The following USP25 variants were observed in gnomAD, a reference collection of about 807,000 sequenced individuals.
USP25 encodes the protein ubiquitin specific peptidase 25, also known as ubiquitin carboxyl-terminal hydrolase 25.
USP25 carries 85 observed loss-of-function variants against 158.5 expected under a neutral mutation model. The observed-to-expected ratio is 0.54, with a 90% confidence interval of 0.45 to 0.64. The LOEUF is 0.64. USP25 is among the 30% of genes least tolerant of loss of function. The probability of loss-of-function intolerance (pLI) is 0.00; values close to 1 mark genes in which losing one functional copy is unlikely to be tolerated. For synonymous variants in USP25, 464 were observed against 460.4 expected, an observed-to-expected ratio of 1.01 and a Z score of -0.10; for missense variants, 1,242 against 1,327.3, an observed-to-expected ratio of 0.94 and a Z score of 1.00.
chr21:15,742,894 G>A (rs1355934294), intron 1 of USP25, among the ~76,000 whole-genome samples: 1 of 152,200 alleles, frequency 6.6e-6, no homozygotes, highest in Non-Finnish European at 1.5e-5. Flanking sequence ...CCCATGGCGG[G>A]ACTGGGTATA....
In USP25 at chr21:15,830,560, C is replaced by T. The variant is rs1330745847; in HGVS notation, c.1723C>T (p.Arg575Ter). Residue 575 changes from arginine to a stop codon, truncating the protein, a stop_gained, in exon 15 of 26, where the codon CGA becomes TGA. Coordinates refer to ENST00000400183, the MANE Select transcript of USP25 (RefSeq NM_001283041.3). LOFTEE classifies it high-confidence loss of function. Reference sequence around the variant, plus strand: ...GCAGGAAAGCATATCCAGAATCCATCGAACAATTGAATTAATGTACTCTGA... The same window carrying T: ...GCAGGAAAGCATATCCAGAATCCATTGAACAATTGAATTAATGTACTCTGA... ...DLQESISRIH[R>*]TIELMYSDKS... 8 of 1,604,338 alleles carry T rather than the reference C, an allele frequency of 5.0e-6. No homozygotes were observed. Among genetic ancestry groups the T allele is most frequent in the South Asian group, 1.1e-5 (1 of 88,744 alleles).
chr21:15,800,330 G>A (rs1482244274), intron 6 of USP25, among the ~76,000 whole-genome samples: 2 of 151,238 alleles, frequency 1.3e-5, no homozygotes, highest in African/African-American at 4.8e-5. Context: ...GGGCCAGATT[G>A]CGTGGGTTCT....
At chr21:15,751,204 TG>T (rs1428719214) in intron 1 of USP25, among the ~76,000 whole-genome samples, 1 of 152,190 alleles carries the variant, frequency 6.6e-6, no homozygotes, top group Non-Finnish European at 1.5e-5. Context: ...GCCCACTGGA[TG>T]GCAGAGCAGT....
At chr21:15,857,741 A>T (rs1023590476) in intron 20 of USP25, among the ~76,000 whole-genome samples, 6 of 151,910 alleles carry the variant, frequency 3.9e-5, no homozygotes, top group African/African-American at 1.5e-4. Context: ...AAATACAGCA[A>T]CTCTTTTTAT....
chr21:15,851,877 T>G (rs1360693724), intron 20 of USP25, among the ~76,000 whole-genome samples: 1 of 152,122 alleles, frequency 6.6e-6, no homozygotes, highest in Non-Finnish European at 1.5e-5. Context: ...ACCATCATTC[T>G]GGGGATTCCC....
Position 15,759,609 on chromosome 21 carries a change from TTAAGA to T in USP25, c.46-3277_46-3273del, listed in dbSNP as rs2033607148. Among the ~76,000 whole-genome samples, 7 of 152,272 alleles carry T rather than the reference TTAAGA, an allele frequency of 4.6e-5. No homozygotes were observed. In the South Asian group the frequency reaches 1.5e-3, roughly 32 times the overall value. ...TTATCAATAGAAAGGAATGTCTGGG[TTAAGA>T]TAAGGAGTTGTGGAGACCTAGGTTT... On this transcript the variant is annotated intron_variant, in intron 1 of 25. Coordinates refer to ENST00000400183, the MANE Select transcript of USP25 (RefSeq NM_001283041.3).
At chr21:15,742,343 C>T (rs2032142798) in intron 1 of USP25, among the ~76,000 whole-genome samples, 1 of 152,070 alleles carries the variant, frequency 6.6e-6, no homozygotes, top group African/African-American at 2.4e-5. Flanking sequence ...AGAGAGGAGC[C>T]AGGAATGATG....
intron 23 of USP25, among the ~76,000 whole-genome samples, chr21:15,871,041 G>T (rs369708468): frequency 3.3e-5 from 5 of 152,282 alleles, no homozygotes; most frequent in African/African-American, 1.2e-4. Context: ...TTTTTAGCCA[G>T]CACAGAACAT....
At chr21:15,829,583 T>C (rs997659187) in intron 14 of USP25, among the ~76,000 whole-genome samples, 21 of 152,198 alleles carry the variant, frequency 1.4e-4, no homozygotes, top group Non-Finnish European at 2.9e-4. Flanking sequence ...TGGATATTTA[T>C]ATTGTTCTGT....
intron 24 of USP25, chr21:15,876,226 A>G (rs922501407): frequency 7.2e-5 from 11 of 152,324 alleles, no homozygotes; most frequent in African/African-American, 2.2e-4. Context: ...TAAATTTTAT[A>G]TATCATTTAA....
intron 6 of USP25, among the ~76,000 whole-genome samples, chr21:15,804,036 A>G (rs192131994): frequency 8.5e-5 from 13 of 152,166 alleles, no homozygotes; most frequent in Admixed American, 8.5e-4. Flanking sequence ...AATTGTTATT[A>G]TAAGAACTAA....
At position 15,808,212 on chromosome 21, in the gene USP25, G is replaced by C. The variant is rs2036486200; in HGVS notation, c.781-597G>C. The stretch of plus-strand genomic sequence containing the variant: ...TCACGTTATTGAAAGAATTATGGTA[G>C]TTGATAACACAACTGCCACAACCTA... On this transcript the variant is annotated intron_variant, in intron 7 of 25. Coordinates refer to ENST00000400183, the MANE Select transcript of USP25 (RefSeq NM_001283041.3). Among the ~76,000 whole-genome samples the C allele has an allele frequency of 2.6e-5, 4 of 152,260 alleles. No homozygotes were observed. In the South Asian group the frequency reaches 8.3e-4, roughly 32 times the overall value.
At chr21:15,814,890 AGCCAAATGTTAATCCCCAAGACAATAG>A (rs1387888359) in intron 9 of USP25, among the ~76,000 whole-genome samples, 1 of 152,166 alleles carries the variant, frequency 6.6e-6, no homozygotes, top group Non-Finnish European at 1.5e-5. Flanking sequence ...AGTAACAAGG[AGCCAAATGTTAATCCCCAAGACAATAG>A]GGAAAATGTC....
At chr21:15,791,452 G>T in intron 4 of USP25, 50 bp from the exon 5 acceptor site, 1 of 1,495,466 alleles carries the variant, frequency 6.7e-7, no homozygotes, top group Non-Finnish European at 8.9e-7. Flanking sequence ...TGATATGCCT[G>T]GGATATATAC....
In USP25 at chr21:15,871,636, T is replaced by G. The variant is rs140348503; in HGVS notation, c.2885+1489T>G. 3.6e-3 allele frequency among the ~76,000 whole-genome samples: 549 copies of G among 152,322 alleles called. 6 individuals carry two copies. The highest frequency in any genetic ancestry group is 6.4e-3 in the Non-Finnish European group (432 of 68,024). ...ACTTTGTACCTATCCGGATAGCTTCTGTATTAGTTGTTCCCAGTTAACATA... is the reference window on the plus strand; with the variant it reads ...ACTTTGTACCTATCCGGATAGCTTCGGTATTAGTTGTTCCCAGTTAACATA... On this transcript the variant is annotated intron_variant, in intron 23 of 25. Transcript: ENST00000400183.
At chr21:15,868,490 GT>G (rs900009597) in intron 22 of USP25, among the ~76,000 whole-genome samples, 1 of 151,810 alleles carries the variant, frequency 6.6e-6, no homozygotes, top group Non-Finnish European at 1.5e-5. Context: ...GACTCATTAT[GT>G]TTTTTTTCAT....
intron 1 of USP25, among the ~76,000 whole-genome samples, chr21:15,740,396 A>G (rs570487593): frequency 3.5e-4 from 53 of 152,134 alleles, no homozygotes; most frequent in Non-Finnish European, 6.9e-4. Flanking sequence ...TTGAACGGAC[A>G]TTGTTTTTTT....
chr21:15,841,199 G>T (rs2038317062), intron 17 of USP25, among the ~76,000 whole-genome samples: 1 of 152,154 alleles, frequency 6.6e-6, no homozygotes, highest in South Asian at 2.1e-4. Context: ...GTGTGTTCAT[G>T]TGCAGTCTCC....
intron 16 of USP25, among the ~76,000 whole-genome samples, chr21:15,832,215 G>A (rs1338182577): frequency 1.3e-5 from 2 of 152,022 alleles, no homozygotes; most frequent in Admixed American, 1.3e-4. Context: ...CTGTCTACTG[G>A]GCATTTACTG....
Sources: allele counts gnomAD v4.1 joint callset (sites outside exome capture counted in the v4.1 genomes callset), GRCh38; gene constraint gnomAD v4.1.1; transcripts MANE v1.5; gene names NCBI Gene and HGNC (gene_info 2026-07-23, HGNC 2026-07-21).